The following SAMMSON variants were observed in gnomAD, a reference collection of about 807,000 sequenced individuals.
The protein encoded by SAMMSON is long intergenic non-protein coding RNA 1212.
At chr3:70,234,949 C>T (rs556043366) in intron 4 of SAMMSON, among the ~76,000 whole-genome samples, 1 of 152,270 alleles carries the variant, frequency 6.6e-6, no homozygotes, top group Admixed American at 6.5e-5. Flanking sequence ...TTTATTTGGT[C>T]TGGAGTGCAG....
chr3:70,155,323 G>A (rs529660692), intron 4 of SAMMSON, among the ~76,000 whole-genome samples: 2 of 152,086 alleles, frequency 1.3e-5, no homozygotes, highest in Non-Finnish European at 2.9e-5. Flanking sequence ...AAGGCCTGAG[G>A]AAGGAAGCTC....
intron 4 of SAMMSON, among the ~76,000 whole-genome samples, chr3:70,136,175 T>C (rs187758543): frequency 1.3e-5 from 2 of 152,278 alleles, no homozygotes; most frequent in Admixed American, 1.3e-4. Context: ...TCCAAGATGG[T>C]GCCCAATGAT....
intron 6 of SAMMSON, among the ~76,000 whole-genome samples, chr3:70,284,573 A>G (rs1575615273): frequency 6.6e-6 from 1 of 152,314 alleles, no homozygotes; most frequent in East Asian, 1.9e-4. Context: ...AGCCATAAAA[A>G]AGAATAAGAT....
At chr3:70,411,613 C>G (rs1269458615) in intron 2 of SAMMSON, among the ~76,000 whole-genome samples, 1 of 152,090 alleles carries the variant, frequency 6.6e-6, no homozygotes, top group African/African-American at 2.4e-5. Context: ...TGGGAGGAAC[C>G]CAGTGGGAGG....
At chr3:70,282,335 C>T (rs530519665) in intron 6 of SAMMSON, among the ~76,000 whole-genome samples, 166 of 152,254 alleles carry the variant, frequency 1.1e-3, no homozygotes, top group African/African-American at 3.9e-3. Flanking sequence ...CTGATGTGCT[C>T]CCCTATCAAA....
chr3:70,361,150 C>G (rs536410119), intron 9 of SAMMSON, among the ~76,000 whole-genome samples: 45 of 152,068 alleles, frequency 3.0e-4, no homozygotes, highest in Non-Finnish European at 5.6e-4. Flanking sequence ...CCCTTAAAGA[C>G]GTATTGCATC....
intron 3 of SAMMSON, chr3:70,015,248 TGCAGCTTGGGCGACAGAGC>T (rs2066978031): frequency 6.6e-6 from 1 of 152,136 alleles, no homozygotes. Flanking sequence ...GCCACTGCAC[TGCAGCTTGGGCGACAGAGC>T]GAGACTCCGT....
intron 4 of SAMMSON, among the ~76,000 whole-genome samples, chr3:70,206,328 C>T (rs1701290434): frequency 6.6e-6 from 1 of 151,962 alleles, no homozygotes; most frequent in Non-Finnish European, 1.5e-5. Flanking sequence ...GATTATGTTC[C>T]ACCCCAGCTA....
At chr3:70,091,418 C>T (rs1253122877) in intron 4 of SAMMSON, among the ~76,000 whole-genome samples, 2 of 152,192 alleles carry the variant, frequency 1.3e-5, no homozygotes, top group East Asian at 3.8e-4. Flanking sequence ...CAGGCTCTAT[C>T]CCAAGACTGG....
At chr3:70,057,098 T>G (rs2067170657) in intron 3 of SAMMSON, among the ~76,000 whole-genome samples, 1 of 152,022 alleles carries the variant, frequency 6.6e-6, no homozygotes, top group African/African-American at 2.4e-5. Context: ...AATAGTTTCT[T>G]AATACTCCTA....
At chr3:70,267,028 T>C (rs1701922497) in intron 6 of SAMMSON, among the ~76,000 whole-genome samples, 2 of 152,138 alleles carry the variant, frequency 1.3e-5, no homozygotes, top group Non-Finnish European at 2.9e-5. Context: ...AGCTAAACTC[T>C]CATGAAATAG....
At chr3:70,280,795 T>C (rs1020986710) in intron 6 of SAMMSON, among the ~76,000 whole-genome samples, 1 of 152,146 alleles carries the variant, frequency 6.6e-6, no homozygotes, top group Admixed American at 6.6e-5. Flanking sequence ...ACCTAACTTG[T>C]TTGACTGTAG....
chr3:70,134,398 A>G (rs1490352377), intron 4 of SAMMSON, among the ~76,000 whole-genome samples: 1 of 151,302 alleles, frequency 6.6e-6, no homozygotes, highest in African/African-American at 2.4e-5. Context: ...AGTCTGACCT[A>G]TGAAAAAGTG....
intron 7 of SAMMSON, among the ~76,000 whole-genome samples, chr3:70,345,107 A>T (rs567550825): frequency 1.3e-5 from 2 of 152,236 alleles, no homozygotes; most frequent in African/African-American, 4.8e-5. Context: ...ATATGAGTTT[A>T]TACCGATGTC....
chr3:70,005,773 A>G (rs1234686109), intron 1 of SAMMSON, among the ~76,000 whole-genome samples: 2 of 152,262 alleles, frequency 1.3e-5, no homozygotes, highest in Non-Finnish European at 2.9e-5. Flanking sequence ...AGACCAGAAC[A>G]CATTGCTTCT....
At chr3:70,297,479 A>G (rs1702301774) in intron 7 of SAMMSON, among the ~76,000 whole-genome samples, 1 of 152,130 alleles carries the variant, frequency 6.6e-6, no homozygotes, top group African/African-American at 2.4e-5. Flanking sequence ...TACTAATGAC[A>G]AATTTATATA....
chr3:70,046,959 G>A (rs1198637572), intron 3 of SAMMSON, among the ~76,000 whole-genome samples: 1 of 151,964 alleles, frequency 6.6e-6, no homozygotes, highest in East Asian at 1.9e-4. Flanking sequence ...ACTAGGCTGG[G>A]CCCACCCAGG....
At chr3:70,081,238 C>G (rs2067266747) in intron 4 of SAMMSON, among the ~76,000 whole-genome samples, 1 of 152,170 alleles carries the variant, frequency 6.6e-6, no homozygotes, top group Non-Finnish European at 1.5e-5. Flanking sequence ...CTCAGCCTTC[C>G]AAGTAGCTGG....
At position 70,206,476 on chromosome 3, in the gene SAMMSON, A is replaced by G. The variant is rs944960695; in HGVS notation, n.508-42631A>G. On this transcript the variant is annotated intron_variant and non_coding_transcript_variant, in intron 4 of 9. Transcript: ENST00000642114. Reference sequence around the variant, plus strand: ...GTCTTCGTGTTTAATATTCATAAGGACTTTTTTTTTCCTAACAGCATATGT... The same window carrying G: ...GTCTTCGTGTTTAATATTCATAAGGGCTTTTTTTTTCCTAACAGCATATGT... 1.3e-5 allele frequency: 5 copies of G among 395,544 alleles called. No homozygotes were observed. In the East Asian group the frequency reaches 1.8e-4, roughly 14 times the overall value. 24.5% of individuals were successfully genotyped at this position (395,544 alleles called of 1,614,324 possible).
Sources: gnomAD v4.1 joint callset for allele counts (sites outside exome capture counted in the v4.1 genomes callset) on GRCh38, gnomAD v4.1.1 for gene constraint, MANE v1.5 for transcripts, NCBI Gene and HGNC (gene_info 2026-07-23, HGNC 2026-07-21) for gene names.